Variants in NR2F1-AS1 observed in about 807,000 individuals in gnomAD.
NR2F1-AS1 encodes the protein NR2F1 antisense RNA 1.
At chr5:93,559,361 G>A (rs758570599) in intron 2 of NR2F1-AS1, among the ~76,000 whole-genome samples, 1 of 152,150 alleles carries the variant, frequency 6.6e-6, no homozygotes, top group Non-Finnish European at 1.5e-5. Flanking sequence ...TCTAGATTAG[G>A]CTTTCACCTA....
At chr5:93,576,466 CCT>C in intron 1 of NR2F1-AS1, among the ~76,000 whole-genome samples, 1 of 150,486 alleles carries the variant, frequency 6.6e-6, no homozygotes, top group South Asian at 2.1e-4. Context: ...AGCTAAACCT[CCT>C]CTCTCCTCAA....
At chr5:93,574,510 G>A (rs1040432707) in intron 1 of NR2F1-AS1, among the ~76,000 whole-genome samples, 3 of 152,026 alleles carry the variant, frequency 2.0e-5, no homozygotes, top group East Asian at 1.9e-4. Flanking sequence ...GAGTCAGACC[G>A]CCAAAACAGA....
At chr5:93,540,608 A>G (rs1056612450) in intron 4 of NR2F1-AS1, among the ~76,000 whole-genome samples, 3 of 152,220 alleles carry the variant, frequency 2.0e-5, no homozygotes, top group Non-Finnish European at 2.9e-5. Context: ...TAGTTTTAAC[A>G]TGATTTTTGA....
chr5:93,487,089 A>G (rs528449195), intron 4 of NR2F1-AS1, among the ~76,000 whole-genome samples: 1 of 152,298 alleles, frequency 6.6e-6, no homozygotes, highest in East Asian at 1.9e-4. Flanking sequence ...TACTGATGGG[A>G]CGTATCTCAA....
chr5:93,444,794 T>C (rs1749659343), intron 4 of NR2F1-AS1, among the ~76,000 whole-genome samples: 1 of 152,188 alleles, frequency 6.6e-6, no homozygotes, highest in African/African-American at 2.4e-5. Context: ...GACCACATAG[T>C]TGGAAGTAAA....
At chr5:93,530,084 T>C (rs900570361) in intron 4 of NR2F1-AS1, among the ~76,000 whole-genome samples, 2 of 145,302 alleles carry the variant, frequency 1.4e-5, no homozygotes, top group African/African-American at 5.1e-5. Flanking sequence ...GCTTTTTTTT[T>C]TTTTTTTTTT....
At chr5:93,499,451 T>C (rs901953031) in intron 4 of NR2F1-AS1, among the ~76,000 whole-genome samples, 1 of 152,200 alleles carries the variant, frequency 6.6e-6, no homozygotes, top group African/African-American at 2.4e-5. Context: ...TCATTATTAC[T>C]GTATCTGGTA....
chr5:93,514,218 T>A lies in NR2F1-AS1; in HGVS notation n.638+39543A>T, dbSNP rs189465469. Among the ~76,000 whole-genome samples, 100 of 152,086 alleles carry A rather than the reference T, an allele frequency of 6.6e-4. No individual in the cohort carries two copies. In the Middle Eastern group the frequency reaches 0.014, roughly 21 times the overall value. On this transcript the variant is annotated intron_variant and non_coding_transcript_variant, in intron 4 of 5. Coordinates refer to ENST00000660523, the Ensembl canonical transcript of NR2F1-AS1. ...AATTGAGAGGAAAAAGAGAAAAAAA[T>A]TTTTCAATTGGTATTTCTAGTAACA...
At chr5:93,529,849 A>G (rs1372146294) in intron 4 of NR2F1-AS1, among the ~76,000 whole-genome samples, 5 of 152,176 alleles carry the variant, frequency 3.3e-5, no homozygotes, top group Admixed American at 2.0e-4. Flanking sequence ...AACCTGTGTG[A>G]TAAGTCTTAA....
At chr5:93,453,768 A>G (rs1028479438) in intron 4 of NR2F1-AS1, among the ~76,000 whole-genome samples, 6 of 152,182 alleles carry the variant, frequency 3.9e-5, no homozygotes, top group African/African-American at 1.4e-4. Flanking sequence ...TATATCTTTT[A>G]AAAAATGAGG....
At chr5:93,497,089 G>A (rs1750976937) in intron 4 of NR2F1-AS1, among the ~76,000 whole-genome samples, 1 of 151,954 alleles carries the variant, frequency 6.6e-6, no homozygotes, top group African/African-American at 2.4e-5. Flanking sequence ...ATTCAGTAAA[G>A]GCCTTTTTTT....
chr5:93,456,589 T>C (rs186317532), intron 4 of NR2F1-AS1, among the ~76,000 whole-genome samples: 39 of 152,242 alleles, frequency 2.6e-4, no homozygotes, highest in South Asian at 2.1e-4. Flanking sequence ...GAAACTGGCA[T>C]GCTTATTCTA....
chr5:93,528,576 TCTA>T (rs1296321789), intron 4 of NR2F1-AS1, among the ~76,000 whole-genome samples: 1 of 152,136 alleles, frequency 6.6e-6, no homozygotes, highest in African/African-American at 2.4e-5. Flanking sequence ...TATAAATCAT[TCTA>T]CTATAAAGAC....
intron 2 of NR2F1-AS1, among the ~76,000 whole-genome samples, chr5:93,555,513 T>C (rs1198974891): frequency 1.3e-5 from 2 of 152,164 alleles, no homozygotes; most frequent in African/African-American, 2.4e-5. Context: ...AGATGACTTA[T>C]ATGCTAAAAA....
intron 4 of NR2F1-AS1, among the ~76,000 whole-genome samples, chr5:93,483,090 G>A (rs888219297): frequency 1.3e-5 from 2 of 152,164 alleles, no homozygotes; most frequent in African/African-American, 2.4e-5. Flanking sequence ...CACAGCGCTC[G>A]ATCTCTGCTA....
chr5:93,548,602 C>T (rs1561494956), intron 4 of NR2F1-AS1, among the ~76,000 whole-genome samples: 1 of 152,148 alleles, frequency 6.6e-6, no homozygotes, highest in East Asian at 1.9e-4. Context: ...GTGGCTCACA[C>T]CTGTAATTCC....
chr5:93,454,441 C>T (rs1478208548), intron 4 of NR2F1-AS1, among the ~76,000 whole-genome samples: 1 of 152,170 alleles, frequency 6.6e-6, no homozygotes, highest in South Asian at 2.1e-4. Context: ...GCCCTCAGTT[C>T]CTGAGACAGA....
At chr5:93,517,589 G>A (rs1751423525) in intron 4 of NR2F1-AS1, among the ~76,000 whole-genome samples, 1 of 151,940 alleles carries the variant, frequency 6.6e-6, no homozygotes, top group African/African-American at 2.4e-5. Context: ...ATATAACTAT[G>A]TAATTGCAGA....
chr5:93,501,721 T>C (rs1751083725), intron 4 of NR2F1-AS1, among the ~76,000 whole-genome samples: 1 of 152,166 alleles, frequency 6.6e-6, no homozygotes, highest in Non-Finnish European at 1.5e-5. Context: ...TGTATCATTG[T>C]TGTGAACAAC....
Sources: gnomAD v4.1 joint callset for allele counts (sites outside exome capture counted in the v4.1 genomes callset) on GRCh38, gnomAD v4.1.1 for gene constraint, MANE v1.5 for transcripts, NCBI Gene and HGNC (gene_info 2026-07-23, HGNC 2026-07-21) for gene names.